The following THSD7B variants were observed in gnomAD, a reference collection of about 807,000 sequenced individuals.
THSD7B encodes thrombospondin type 1 domain containing 7B.
Under a neutral mutation model 213.6 loss-of-function variants are expected in THSD7B, and 138 were observed. That is an observed-to-expected ratio of 0.65 (90% CI 0.56 to 0.74). THSD7B has a LOEUF of 0.74. THSD7B is among the 30% of genes least tolerant of loss of function. THSD7B has a pLI of 0.00. For missense variants in THSD7B, 1,931 were observed against 1,991.5 expected (o/e 0.97, Z 0.58); for synonymous variants, 742 against 687.0 (o/e 1.08, Z -1.25).
At chr2:137,021,098 C>G (rs1334260453) in intron 2 of THSD7B, among the ~76,000 whole-genome samples, 1 of 152,072 alleles carries the variant, frequency 6.6e-6, no homozygotes, top group Non-Finnish European at 1.5e-5. Flanking sequence ...ATGTGTATTT[C>G]TATGTAGGAA....
At chr2:137,046,038 A>G (rs1322055699) in intron 2 of THSD7B, among the ~76,000 whole-genome samples, 1 of 152,062 alleles carries the variant, frequency 6.6e-6, no homozygotes, top group African/African-American at 2.4e-5. Flanking sequence ...TGGAAAAATC[A>G]TCAACCCATT....
intron 15 of THSD7B, among the ~76,000 whole-genome samples, chr2:137,524,600 C>T (rs994033351): frequency 6.6e-6 from 1 of 152,132 alleles, no homozygotes; most frequent in Admixed American, 6.6e-5. Flanking sequence ...GAAAGAGTCC[C>T]AACTCTGAAG....
At chr2:137,432,120 C>T (rs1687198003) in intron 14 of THSD7B, among the ~76,000 whole-genome samples, 1 of 152,154 alleles carries the variant, frequency 6.6e-6, no homozygotes, top group Non-Finnish European at 1.5e-5. Flanking sequence ...CGGCCAGGCG[C>T]GGTGGCTCCT....
intron 5 of THSD7B, among the ~76,000 whole-genome samples, chr2:137,140,170 C>T (rs1018981731): frequency 6.6e-6 from 1 of 151,894 alleles, no homozygotes; most frequent in African/African-American, 2.4e-5. Flanking sequence ...TATATATATA[C>T]TGATATCTAG....
chr2:137,217,936 T>A (rs1237821167), intron 7 of THSD7B, among the ~76,000 whole-genome samples: 2 of 152,102 alleles, frequency 1.3e-5, no homozygotes, highest in Non-Finnish European at 2.9e-5. Context: ...CAGGAAAAAA[T>A]GCATGTGTAC....
intron 10 of THSD7B, among the ~76,000 whole-genome samples, chr2:137,244,948 A>G (rs986545550): frequency 6.6e-6 from 1 of 152,150 alleles, no homozygotes; most frequent in African/African-American, 2.4e-5. Context: ...AGAATTATTA[A>G]TATGCAGATT....
intron 12 of THSD7B, among the ~76,000 whole-genome samples, chr2:137,364,675 A>G (rs1685362217): frequency 6.6e-6 from 1 of 152,212 alleles, no homozygotes; most frequent in Non-Finnish European, 1.5e-5. Flanking sequence ...TAGGAATTCA[A>G]CTTACAAGGG....
At chr2:137,086,871 T>G (rs1687851676) in intron 3 of THSD7B, among the ~76,000 whole-genome samples, 1 of 152,218 alleles carries the variant, frequency 6.6e-6, no homozygotes, top group Admixed American at 6.5e-5. Flanking sequence ...ATATAAATAT[T>G]TATGACCTAA....
chr2:137,494,979 C>T (rs930207137), intron 15 of THSD7B, among the ~76,000 whole-genome samples: 28 of 152,142 alleles, frequency 1.8e-4, no homozygotes, highest in Non-Finnish European at 2.6e-4. Context: ...ATCTCTACCC[C>T]ACACCACACA....
At chr2:137,242,609 A>G in intron 10 of THSD7B, 37 bp downstream of exon 10, 1 of 1,500,694 alleles carries the variant, frequency 6.7e-7, no homozygotes, top group East Asian at 2.3e-5. Context: ...TTTCTTCCCT[A>G]ACCTGATTGT....
At chr2:137,589,853 T>A (rs762197647) in intron 17 of THSD7B, among the ~76,000 whole-genome samples, 2 of 152,190 alleles carry the variant, frequency 1.3e-5, no homozygotes, top group Non-Finnish European at 2.9e-5. Context: ...CACGCAGCAA[T>A]GCCAAGTGCT....
intron 2 of THSD7B, among the ~76,000 whole-genome samples, chr2:136,890,079 T>C (rs988426598): frequency 6.6e-6 from 1 of 152,108 alleles, no homozygotes; most frequent in Non-Finnish European, 1.5e-5. Flanking sequence ...TGTATTATAG[T>C]CCCCAGTGCC....
chr2:137,592,820 T>C lies in THSD7B; in HGVS notation c.3423+20264T>C, dbSNP rs546223158. On this transcript the variant is annotated intron_variant, in intron 17 of 27. Coordinates refer to ENST00000409968, the MANE Select transcript of THSD7B (RefSeq NM_001316349.2). ...ACTAAACACAAAAATATAAGCCAAATCTAGTACACTACAGGATCTTTGATG... is the reference window on the plus strand; with the variant it reads ...ACTAAACACAAAAATATAAGCCAAACCTAGTACACTACAGGATCTTTGATG... Among the ~76,000 whole-genome samples the C allele has an allele frequency of 2.0e-4, 31 of 152,092 alleles. No individual in the cohort carries two copies. The South Asian group carries it at 6.2e-3, about 31-fold the overall frequency.
At chr2:137,377,540 C>T (rs530320235) in intron 12 of THSD7B, among the ~76,000 whole-genome samples, 2 of 151,790 alleles carry the variant, frequency 1.3e-5, no homozygotes, top group Admixed American at 6.6e-5. Context: ...GACGTGATGT[C>T]TGAGCTCAGT....
intron 1 of THSD7B, among the ~76,000 whole-genome samples, chr2:136,831,129 C>CTCTT (rs1553451487): frequency 1.7e-5 from 2 of 119,892 alleles, no homozygotes; most frequent in African/African-American, 6.3e-5. Context: ...CCTGTAGAAT[C>CTCTT]TTTTTTTTTT....
intron 19 of THSD7B, among the ~76,000 whole-genome samples, chr2:137,619,186 T>A (rs1365496505): frequency 6.6e-6 from 1 of 152,196 alleles, no homozygotes; most frequent in Non-Finnish European, 1.5e-5. Flanking sequence ...AAAGATACTA[T>A]CACACTTCAA....
chr2:136,867,749 TA>T (rs1361630384), intron 1 of THSD7B, among the ~76,000 whole-genome samples: 1 of 152,244 alleles, frequency 6.6e-6, no homozygotes, highest in Non-Finnish European at 1.5e-5. Context: ...ATTAAACTTC[TA>T]AATGTAAAAT....
chr2:137,592,341 C>T (rs988426464), intron 17 of THSD7B, among the ~76,000 whole-genome samples: 11 of 151,648 alleles, frequency 7.3e-5, no homozygotes, highest in Non-Finnish European at 1.2e-4. Context: ...TCATCAGTTT[C>T]TGTATTTTAC....
At chr2:136,923,295 G>T (rs1252198486) in intron 2 of THSD7B, among the ~76,000 whole-genome samples, 1 of 152,080 alleles carries the variant, frequency 6.6e-6, no homozygotes, top group African/African-American at 2.4e-5. Flanking sequence ...CTTTTTAAAG[G>T]CTGCATAATA....
Sources: allele counts gnomAD v4.1 joint callset (sites outside exome capture counted in the v4.1 genomes callset), GRCh38; gene constraint gnomAD v4.1.1; transcripts MANE v1.5; gene names NCBI Gene and HGNC (gene_info 2026-07-23, HGNC 2026-07-21).